Variants in FOXP1 observed in about 807,000 individuals in gnomAD.
FOXP1 encodes the protein forkhead box protein P1.
FOXP1 carries 15 observed loss-of-function variants against 98.2 expected under a neutral mutation model. That is an observed-to-expected ratio of 0.15 (90% CI 0.10 to 0.24). The LOEUF is 0.24. Ranked by LOEUF, FOXP1 falls within the 10% of genes least tolerant of loss-of-function variation. The probability of loss-of-function intolerance (pLI) is 1.00; values close to 1 mark genes in which losing one functional copy is unlikely to be tolerated. For missense variants in FOXP1, 633 were observed against 848.5 expected (o/e 0.75, Z 3.15); for synonymous variants, 371 against 314.5 (o/e 1.18, Z -1.90).
At chr3:71,460,718 C>T (rs970327455) in intron 3 of FOXP1, among the ~76,000 whole-genome samples, 13 of 152,164 alleles carry the variant, frequency 8.5e-5, no homozygotes, top group Non-Finnish European at 1.9e-4. Context: ...GGATTACAAG[C>T]GTGAGCTACC....
intron 5 of FOXP1, among the ~76,000 whole-genome samples, chr3:71,252,290 A>T (rs1257012445): frequency 1.3e-5 from 2 of 152,216 alleles, no homozygotes; most frequent in Non-Finnish European, 2.9e-5. Flanking sequence ...CATTATTAAG[A>T]TGCCAAACCA....
chr3:71,226,221 T>G (rs1336789165), intron 5 of FOXP1, among the ~76,000 whole-genome samples: 1 of 152,224 alleles, frequency 6.6e-6, no homozygotes, highest in Admixed American at 6.5e-5. Context: ...TAGAGCTAAC[T>G]CAAGTCCCTC....
chr3:71,380,844 C>T (rs1229316819), intron 3 of FOXP1, among the ~76,000 whole-genome samples: 1 of 151,734 alleles, frequency 6.6e-6, no homozygotes, highest in Non-Finnish European at 1.5e-5. Context: ...GTTCTGCTAA[C>T]AACAATTTCT....
chr3:70,990,585 A>G (rs2040451069), intron 13 of FOXP1, among the ~76,000 whole-genome samples: 1 of 152,236 alleles, frequency 6.6e-6, no homozygotes, highest in African/African-American at 2.4e-5. Context: ...AAGCAAAGAA[A>G]AGGAGGTTGA....
intron 3 of FOXP1, among the ~76,000 whole-genome samples, chr3:71,367,103 T>C (rs1277837610): frequency 1.3e-5 from 2 of 152,204 alleles, no homozygotes; most frequent in African/African-American, 4.8e-5. Flanking sequence ...CATAAATATT[T>C]ACCCCAAATG....
chr3:71,205,341 A>G (rs2063956408), intron 5 of FOXP1, among the ~76,000 whole-genome samples: 1 of 152,234 alleles, frequency 6.6e-6, no homozygotes, highest in South Asian at 2.1e-4. Flanking sequence ...ATAGCACTGT[A>G]ACACCATAAA....
intron 3 of FOXP1, among the ~76,000 whole-genome samples, chr3:71,397,671 A>G (rs1037580602): frequency 8.5e-5 from 13 of 152,254 alleles, no homozygotes; most frequent in Non-Finnish European, 1.8e-4. Flanking sequence ...GGAGGACCCC[A>G]TATTTTCAGC....
At chr3:71,138,427 T>A (rs1267855910) in intron 6 of FOXP1, among the ~76,000 whole-genome samples, 2 of 152,114 alleles carry the variant, frequency 1.3e-5, no homozygotes, top group African/African-American at 4.8e-5. Context: ...CAATGATACA[T>A]GAATTAGTTT....
intron 2 of FOXP1, among the ~76,000 whole-genome samples, chr3:71,564,906 G>A (rs1049381363): frequency 6.6e-6 from 1 of 152,148 alleles, no homozygotes; most frequent in African/African-American, 2.4e-5. Flanking sequence ...CCTGAGGTCA[G>A]GAGTTCAAGA....
chr3:71,441,154 T>C (rs1447603958), intron 3 of FOXP1, among the ~76,000 whole-genome samples: 1 of 152,232 alleles, frequency 6.6e-6, no homozygotes, highest in Non-Finnish European at 1.5e-5. Context: ...TAGCAGTGCC[T>C]TTAGTAAGGG....
chr3:71,199,049 G>A (rs1368025773), intron 5 of FOXP1, among the ~76,000 whole-genome samples: 1 of 151,572 alleles, frequency 6.6e-6, no homozygotes, highest in African/African-American at 2.4e-5. Flanking sequence ...TCATCCTATA[G>A]AGCATATTAG....
chr3:71,548,375 G>A (rs779694966), intron 2 of FOXP1, among the ~76,000 whole-genome samples: 23 of 152,014 alleles, frequency 1.5e-4, no homozygotes, highest in African/African-American at 3.1e-4. Context: ...ATAATTCAAC[G>A]TATTTCCTGT....
chr3:71,310,295 G>A (rs1379501272), intron 4 of FOXP1, among the ~76,000 whole-genome samples: 2 of 152,182 alleles, frequency 1.3e-5, no homozygotes, highest in Non-Finnish European at 2.9e-5. Context: ...ACAGACATTT[G>A]AAAGTTATAG....
intron 19 of FOXP1, chr3:70,969,411 G>A (rs1161286929): frequency 1.3e-5 from 2 of 152,176 alleles, no homozygotes; most frequent in African/African-American, 2.4e-5. Context: ...GAAATGCTAA[G>A]GCCAGTGAAT....
At chr3:71,239,835 T>C (rs114316906) in intron 5 of FOXP1, among the ~76,000 whole-genome samples, 3,936 of 152,358 alleles carry the variant, frequency 0.026, 169 homozygotes, top group African/African-American at 0.088. Context: ...ATTTCCAAAG[T>C]TGGACGAAAT....
chr3:71,068,881 G>A (rs764751056), intron 7 of FOXP1, among the ~76,000 whole-genome samples: 1 of 152,142 alleles, frequency 6.6e-6, no homozygotes, highest in African/African-American at 2.4e-5. Flanking sequence ...ATGGCAATGG[G>A]GCAGCCAATT....
At chr3:70,979,893 A>G (rs182001406) in intron 14 of FOXP1, among the ~76,000 whole-genome samples, 1 of 152,336 alleles carries the variant, frequency 6.6e-6, no homozygotes, top group African/African-American at 2.4e-5. Flanking sequence ...ATGAAGAAAT[A>G]CTAATGGAAA....
At chr3:71,198,734 C>T (rs1343166841) in intron 5 of FOXP1, among the ~76,000 whole-genome samples, 1 of 151,928 alleles carries the variant, frequency 6.6e-6, no homozygotes, top group East Asian at 1.9e-4. Context: ...GCTCAGTCGC[C>T]CAGGCTGGAG....
chr3:71,103,789 C>A (rs1412313631), intron 7 of FOXP1, among the ~76,000 whole-genome samples: 1 of 152,162 alleles, frequency 6.6e-6, no homozygotes, highest in Non-Finnish European at 1.5e-5. Context: ...TGCACTTCAG[C>A]AGAAATTCTT....
Sources: allele counts gnomAD v4.1 joint callset (sites outside exome capture counted in the v4.1 genomes callset), GRCh38; gene constraint gnomAD v4.1.1; transcripts MANE v1.5; gene names NCBI Gene and HGNC (gene_info 2026-07-23, HGNC 2026-07-21).